ATG12: variants seen among roughly 807,000 people sequenced by gnomAD.
ATG12 encodes the protein autophagy related 12, also known as ubiquitin-like protein ATG12.
Under a neutral mutation model 17.6 loss-of-function variants are expected in ATG12, and 19 were observed. That is an observed-to-expected ratio of 1.08 (90% confidence interval 0.75 to 1.58). The LOEUF (loss-of-function observed/expected upper bound fraction) is 1.58, where lower values mean the gene tolerates loss of function less well. Ranked by LOEUF, ATG12 falls within the 40% of genes most tolerant of loss-of-function variation. The pLI, the probability that ATG12 is intolerant of heterozygous loss-of-function variation, is 0.00. For synonymous variants in ATG12, 75 were observed against 62.4 expected, an observed-to-expected ratio of 1.20 and a Z score of -0.95; for missense variants, 214 against 162.0, an observed-to-expected ratio of 1.32 and a Z score of -1.74.
intron 1 of ATG12, chr5:115,837,993 C>A: frequency 2.6e-6 from 1 of 385,442 alleles, no homozygotes; most frequent in East Asian, 4.7e-5. Flanking sequence ...TTTATCTTAA[C>A]AGGCAGTTCC....
At position 115,832,651 on chromosome 5, in the gene ATG12, T is replaced by C. The variant is rs1438114508; in HGVS notation, c.314A>G (p.Asn105Ser). 6 of 1,519,084 alleles carry C rather than the reference T, an allele frequency of 3.9e-6. No homozygotes were observed. Among genetic ancestry groups the C allele is most frequent in the Admixed American group, 4.5e-5 (2 of 44,388 alleles). 94.1% of individuals were successfully genotyped at this position (1,519,084 alleles called of 1,614,324 possible). A position where few individuals can be genotyped will look rare whatever the true frequency, so the allele number is the denominator to read the frequency against. ...GTCTGGGGAAGGAGCAAAGGACTGA[T>C]TCACATAAATAAACTACAAGAAAGG... is the stretch of plus-strand genomic sequence containing the variant. ...VASEQLFIYV[N>S]QSFAPSPDQE... The change falls in exon 3 of 4, where the codon AAT (asparagine) becomes AGT (serine). Residue 105 changes from asparagine (N) to serine (S), a missense_variant. By Grantham distance (46) the Asn-to-Ser change is conservative. Transcript: ENST00000509910.
In ATG12 at chr5:115,831,677, A is replaced by G. The variant is rs1760875629; in HGVS notation, c.*127T>C. The G allele has an allele frequency of 1.2e-6, 1 of 841,940 alleles. No individual in the cohort carries two copies. The highest frequency in any genetic ancestry group is 1.9e-6 in the Non-Finnish European group (1 of 522,440). 52.2% of individuals were successfully genotyped at this position (841,940 alleles called of 1,614,324 possible). On this transcript the variant is annotated 3_prime_UTR_variant, in exon 4 of 4. Coordinates refer to ENST00000509910, the MANE Select transcript of ATG12 (RefSeq NM_004707.4). ...TATGGATGTTTTCTTATGCATAAAC[A>G]TAGAGTAGACACATACTAAATAGAT... is the stretch of plus-strand genomic sequence containing the variant.
chr5:115,832,571 CTTTTTTTTTTTTTTTTTTT>C lies in ATG12; in HGVS notation c.363+12_363+30del, dbSNP rs35310189. On this transcript the variant is annotated intron_variant, in intron 3 of 3. Transcript: ENST00000509910. ...AAGAAAAAAAAGCAGTAATTTCTTT[CTTTTTTTTTTTTTTTTTTT>C]TTTTTTTTTACCTCATAGAGAGTTC... is the stretch of plus-strand genomic sequence containing the variant. 10 of 802,452 alleles carry C rather than the reference CTTTTTTTTTTTTTTTTTTT, an allele frequency of 1.2e-5. No homozygotes were observed. The highest frequency in any genetic ancestry group is 3.2e-5 in the African/African-American group (1 of 30,824). 49.7% of individuals were successfully genotyped at this position (802,452 alleles called of 1,614,324 possible).
Position 115,831,515 on chromosome 5 carries a change from T to TA in ATG12, c.*288dup, listed in dbSNP as rs1338133006. 1 of 493,524 alleles carries TA rather than the reference T, an allele frequency of 2.0e-6. No individual in the cohort carries two copies. Among genetic ancestry groups the TA allele is most frequent in the Non-Finnish European group, 3.6e-6 (1 of 278,734 alleles). The allele number at this position is 493,524 out of a possible 1,614,324, so 30.6% of individuals were successfully genotyped here. A position where few individuals can be genotyped will look rare whatever the true frequency, so the allele number is the denominator to read the frequency against. ...GACAATGAAGATGTTTATACAGTCT[T>TA]AGTCTCCTTTTCAACCTTGGAGGCA... On this transcript the variant is annotated 3_prime_UTR_variant, in exon 4 of 4. Transcript: ENST00000509910.
rs1377136866 is a variant in ATG12, at chr5:115,828,462, T to C, written c.*3342A>G. ...TCAGCATTGTTTTTATTTGTATTTT[T>C]TGTAACCAATGGGGTTCAAGGTGTT... is the stretch of plus-strand genomic sequence containing the variant. On this transcript the variant is annotated 3_prime_UTR_variant, in exon 4 of 4. Coordinates refer to ENST00000509910, the MANE Select transcript of ATG12 (RefSeq NM_004707.4). 1 of 152,218 alleles carries C rather than the reference T, an allele frequency of 6.6e-6. No homozygotes were observed. Among genetic ancestry groups the C allele is most frequent in the Non-Finnish European group, 1.5e-5 (1 of 68,026 alleles). 9.4% of individuals were successfully genotyped at this position (152,218 alleles called of 1,614,324 possible).
chr5:115,831,839 C>T lies in ATG12; in HGVS notation c.388G>A (p.Val130Ile). The stretch of plus-strand genomic sequence containing the variant: ...GCCTGAGACTTGCAGTAATGTAAAA[C>T]CAGTTTACCATCACTGCCAAAACAC... ...YECFGSDGKL[V>I]LHYCKSQAWG The change falls in exon 4 of 4, where the codon GTT becomes ATT. Residue 130 changes from valine to isoleucine, a missense_variant. Coordinates refer to ENST00000509910, the MANE Select transcript of ATG12 (RefSeq NM_004707.4). 1 of 1,612,356 alleles carries T rather than the reference C, an allele frequency of 6.2e-7. No individual in the cohort carries two copies. Among genetic ancestry groups the T allele is most frequent in the Admixed American group, 1.7e-5 (1 of 59,880 alleles).
intron 1 of ATG12, chr5:115,840,940 A>AG (rs1343621894): frequency 1.1e-4 from 140 of 1,261,102 alleles, no homozygotes; most frequent in Non-Finnish European, 1.4e-4. Flanking sequence ...ACCAACTGGG[A>AG]GGGGGAAAAA....
At chr5:115,834,133 C>T (rs1760997635) in intron 2 of ATG12, 1 of 152,140 alleles carries the variant, frequency 6.6e-6, no homozygotes, top group African/African-American at 2.4e-5. Flanking sequence ...AGGATTTAAC[C>T]AGGTGAAGAA....
intron 1 of ATG12, chr5:115,840,887 T>C (rs950467212): frequency 5.4e-6 from 7 of 1,288,230 alleles, no homozygotes; most frequent in African/African-American, 4.6e-5. Flanking sequence ...CAGTCTTCAT[T>C]CTGCATAAGA....
chr5:115,837,661 T>C lies in ATG12; in HGVS notation c.267A>G (p.Lys89=), dbSNP rs1429792611. 13 of 1,612,204 alleles carry C rather than the reference T, an allele frequency of 8.1e-6. No individual in the cohort carries two copies. Among genetic ancestry groups the C allele is most frequent in the Non-Finnish European group, 1.1e-5 (13 of 1,179,800 alleles). ...CTGAGGCCACAAGTTTAAGAAACTTTTTGATGAAGTCAATGAGTCCTTGGA... is the reference window on the plus strand; with the variant it reads ...CTGAGGCCACAAGTTTAAGAAACTTCTTGATGAAGTCAATGAGTCCTTGGA... The part of the protein sequence containing the change: ...RTIQGLIDFI[K]KFLKLVASEQ... Residue 89 remains lysine, a synonymous_variant, in exon 2 of 4, where the codon AAA becomes AAG. Coordinates refer to ENST00000509910, the MANE Select transcript of ATG12 (RefSeq NM_004707.4).
intron 1 of ATG12, among the ~76,000 whole-genome samples, chr5:115,840,279 A>C (rs1761315407): frequency 6.6e-6 from 1 of 151,742 alleles, no homozygotes; most frequent in Non-Finnish European, 1.5e-5. Context: ...TTGAAGAAAA[A>C]GCAATGAGAC....
chr5:115,835,046 GTT>G (rs1341006056), intron 2 of ATG12: 2 of 151,790 alleles, frequency 1.3e-5, no homozygotes, highest in South Asian at 2.1e-4. Flanking sequence ...ATTATCCGTT[GTT>G]TATGTTCCTC....
chr5:115,837,628 C>T lies in ATG12; in HGVS notation c.300G>A (p.Leu100=), dbSNP rs1761160373. ...GAAAACATCACCATTGGTTTCATACCAACTGTTCTGAGGCCACAAGTTTAA... is the reference window on the plus strand; with the variant it reads ...GAAAACATCACCATTGGTTTCATACTAACTGTTCTGAGGCCACAAGTTTAA... ...KFLKLVASEQ[L]FIYVNQSFAP... is the part of the protein sequence containing the mutation. Residue 100 remains leucine (L), a splice_region_variant and synonymous_variant, in exon 2 of 4, where the codon TTG becomes TTA. Coordinates refer to ENST00000509910, the MANE Select transcript of ATG12 (RefSeq NM_004707.4). The T allele has an allele frequency of 6.2e-7, 1 of 1,610,164 alleles. No homozygotes were observed. Among genetic ancestry groups the T allele is most frequent in the African/African-American group, 1.3e-5 (1 of 74,760 alleles).
chr5:115,839,545 G>C (rs1302150623), intron 1 of ATG12: 1 of 152,214 alleles, frequency 6.6e-6, no homozygotes, highest in Non-Finnish European at 1.5e-5. Context: ...CAAGGATGAA[G>C]TGTAAGACAG....
rs1175580693 is a variant in ATG12, at chr5:115,830,179, A to G, written c.*1625T>C. 3.9e-5 allele frequency: 6 copies of G among 151,974 alleles called. No homozygotes were observed. In the East Asian group the frequency reaches 1.2e-3, roughly 29 times the overall value. 9.4% of individuals were successfully genotyped at this position (151,974 alleles called of 1,614,324 possible). ...CTATGTATTCTTCAGAGTTGTTAGG[A>G]AAGAAAACAAATAAGGTTAGCTACA... On this transcript the variant is annotated 3_prime_UTR_variant, in exon 4 of 4. Coordinates refer to ENST00000509910, the MANE Select transcript of ATG12 (RefSeq NM_004707.4).
intron 1 of ATG12, chr5:115,839,591 CT>C (rs1249676546): frequency 1.3e-5 from 2 of 152,144 alleles, no homozygotes; most frequent in Non-Finnish European, 2.9e-5. Flanking sequence ...TTAATTATAG[CT>C]GCCCTCTCTT....
At chr5:115,839,923 C>CA (rs1338713727) in intron 1 of ATG12, among the ~76,000 whole-genome samples, 5 of 152,026 alleles carry the variant, frequency 3.3e-5, no homozygotes, top group African/African-American at 1.2e-4. Context: ...GTTCAATTTG[C>CA]AAAAAAATAC....
intron 1 of ATG12, chr5:115,840,738 A>G: frequency 2.5e-6 from 3 of 1,183,922 alleles, no homozygotes; most frequent in Non-Finnish European, 3.2e-6. Context: ...ACGTAATTTT[A>G]GCAATCTCTT....
At chr5:115,834,701 G>T (rs1761019599) in intron 2 of ATG12, among the ~76,000 whole-genome samples, 1 of 152,162 alleles carries the variant, frequency 6.6e-6, no homozygotes, top group Admixed American at 6.5e-5. Flanking sequence ...TGCAGGATAT[G>T]AAAGCCTTAT....
Sources: allele counts gnomAD v4.1 joint callset (sites outside exome capture counted in the v4.1 genomes callset), GRCh38; gene constraint gnomAD v4.1.1; transcripts MANE v1.5; gene names NCBI Gene and HGNC (gene_info 2026-07-23, HGNC 2026-07-21).